NFIC: variants seen among roughly 807,000 people sequenced by gnomAD.
NFIC encodes nuclear factor I C.
In NFIC, 12 loss-of-function variants were observed where a neutral mutation model predicts 54.4. The observed-to-expected ratio is 0.22, with a 90% CI of 0.14 to 0.36. The LOEUF (loss-of-function observed/expected upper bound fraction) is 0.36, where lower values mean the gene tolerates loss of function less well. Among genes scored for constraint, NFIC ranks in the 10% least tolerant of loss-of-function variants. The pLI, the probability that NFIC is intolerant of heterozygous loss-of-function variation, is 1.00. For synonymous variants in NFIC, 322 were observed against 319.2 expected (o/e 1.01, Z -0.09); for missense variants, 575 against 718.2 (o/e 0.80, Z 2.28).
chr19:3,450,835 G>A (rs1198449871), intron 7 of NFIC, among the ~76,000 whole-genome samples: 2 of 152,140 alleles, frequency 1.3e-5, no homozygotes, highest in African/African-American at 4.8e-5. Context: ...GCAGCCATTT[G>A]GGCCAGGGGT....
chr19:3,359,761 A>G, intron 1 of NFIC: 1 of 1,348,016 alleles, frequency 7.4e-7, no homozygotes, highest in African/African-American at 1.5e-5. Context: ...CGAAAGTTGC[A>G]AGATCTGGGG....
intron 3 of NFIC, 125 bp downstream of exon 3, chr19:3,425,302 T>A: frequency 8.8e-7 from 1 of 1,140,340 alleles, no homozygotes; most frequent in Non-Finnish European, 1.2e-6. Flanking sequence ...TCGGAGAGGT[T>A]AAGGGGCCTG....
chr19:3,359,793 C>G, intron 1 of NFIC: 2 of 1,194,920 alleles, frequency 1.7e-6, no homozygotes, highest in Non-Finnish European at 2.2e-6. Context: ...GGGGGCCGCC[C>G]GGAGGAGGGG....
upstream of NFIC, among the ~76,000 whole-genome samples, chr19:3,363,592 T>A (rs1055138837): frequency 2.0e-5 from 3 of 152,002 alleles, no homozygotes; most frequent in Admixed American, 6.6e-5. Context: ...TGTGTGTGTG[T>A]GGGTGTGTGT....
Position 3,463,579 on chromosome 19 carries a change from C to T in NFIC, c.*810C>T, listed in dbSNP as rs1229210126. 16 of 985,148 alleles carry T rather than the reference C, an allele frequency of 1.6e-5. No homozygotes were observed. In the South Asian group the frequency reaches 7.5e-4, roughly 46 times the overall value. The allele number at this position is 985,148 out of a possible 1,614,324, so 61.0% of individuals were successfully genotyped here. A position where few individuals can be genotyped will look rare whatever the true frequency, so the allele number is the denominator to read the frequency against. On this transcript the variant is annotated 3_prime_UTR_variant, in exon 11 of 11. Transcript: ENST00000443272. ...CTGGGGACTCTTTCAGCCCTCGCGCCCGCCCGTTTGGGAGGAGAAGTCTCT... is the reference window on the plus strand; with the variant it reads ...CTGGGGACTCTTTCAGCCCTCGCGCTCGCCCGTTTGGGAGGAGAAGTCTCT...
chr19:3,436,319 T>TA (rs1568182142), intron 6 of NFIC, among the ~76,000 whole-genome samples: 1 of 140,656 alleles, frequency 7.1e-6, no homozygotes, highest in South Asian at 2.2e-4. Flanking sequence ...ATTTTTTTTT[T>TA]TTTTTTTTTT....
intron 5 of NFIC, 114 bp from the exon 6 acceptor site, chr19:3,434,969 T>C: frequency 7.4e-7 from 1 of 1,357,422 alleles, no homozygotes; most frequent in South Asian, 1.5e-5. Context: ...TGTCTCGCGA[T>C]ACTACCTCCC....
chr19:3,409,989 CTTGAGCCCAGGAGT>C (rs1431637813), intron 2 of NFIC, among the ~76,000 whole-genome samples: 2 of 152,092 alleles, frequency 1.3e-5, no homozygotes, highest in Non-Finnish European at 2.9e-5. Flanking sequence ...GGGAGGATTG[CTTGAGCCCAGGAGT>C]TTGAGTCCAG....
chr19:3,463,864 C>G lies in NFIC; in HGVS notation c.*1095C>G, dbSNP rs577392411. 7.8e-5 allele frequency: 77 copies of G among 984,192 alleles called. No individual in the cohort carries two copies. Among genetic ancestry groups the G allele is most frequent in the East Asian group, 4.6e-4 (4 of 8,726 alleles). The allele number at this position is 984,192 out of a possible 1,614,324, so 61.0% of individuals were successfully genotyped here. A position where few individuals can be genotyped will look rare whatever the true frequency, so the allele number is the denominator to read the frequency against. On this transcript the variant is annotated 3_prime_UTR_variant, in exon 11 of 11. Transcript: ENST00000443272. ...GCCTGATTACCACCACCCGCCCCCC[C>G]CTTTGTCCAGCTGGGACACGGAATG...
At position 3,453,463 on chromosome 19, in the gene NFIC, G is replaced by A. The variant is rs1363937816; in HGVS notation, c.1270-300G>A. ...CGCGGAGAACCTGCTGTTAGGAGGC[G>A]GTGGCACTGTTTGGAAGGAAATCAG... is the stretch of plus-strand genomic sequence containing the variant. On this transcript the variant is annotated intron_variant, in intron 8 of 10. Transcript: ENST00000443272. The surrounding 1 kb of genome is among the most constrained non-coding windows in gnomAD (Gnocchi z 6.7). Among the ~76,000 whole-genome samples, 1 of 152,174 alleles carries A rather than the reference G, an allele frequency of 6.6e-6. No homozygotes were observed. The highest frequency in any genetic ancestry group is 2.4e-5 in the African/African-American group (1 of 41,440).
rs909963424 is a variant in NFIC at position 3,469,023 on chromosome 19, G to A, written c.*6254G>A. 5 of 137,238 alleles carry A rather than the reference G, an allele frequency of 3.6e-5. No homozygotes were observed. Among genetic ancestry groups the A allele is most frequent in the Non-Finnish European group, 7.6e-5 (5 of 65,966 alleles). The allele number at this position is 137,238 out of a possible 1,614,324, so 8.5% of individuals were successfully genotyped here. Reference sequence around the variant, plus strand: ...ATATTACGCAGTCATTTTGGTTTTCGCGGACGCGCCTACCTAAGTACCATT... The same window carrying A: ...ATATTACGCAGTCATTTTGGTTTTCACGGACGCGCCTACCTAAGTACCATT... On this transcript the variant is annotated 3_prime_UTR_variant, in exon 11 of 11. Coordinates refer to ENST00000443272, the MANE Select transcript of NFIC (RefSeq NM_001245002.2).
chr19:3,359,948 C>T (rs866453753), intron 1 of NFIC, among the ~76,000 whole-genome samples: 2 of 149,802 alleles, frequency 1.3e-5, no homozygotes, highest in South Asian at 2.1e-4. Context: ...CGCGAGTTGG[C>T]GAGGAGGGCG....
chr19:3,386,407 C>G (rs1447139698), intron 2 of NFIC, among the ~76,000 whole-genome samples: 2 of 141,974 alleles, frequency 1.4e-5, no homozygotes, highest in African/African-American at 5.1e-5. Flanking sequence ...ACTGCAACCT[C>G]TACTTCCTGG....
intron 6 of NFIC, 38 bp downstream of exon 6, chr19:3,435,245 C>T (rs917131203): frequency 5.9e-6 from 9 of 1,530,266 alleles, no homozygotes; most frequent in Non-Finnish European, 8.0e-6. Flanking sequence ...GCCTTCCGGT[C>T]TGAGTCACCG....
rs1180533631 is a variant in NFIC at position 3,458,498 on chromosome 19, A to C, written c.1509+1863A>C. 6.6e-6 allele frequency among the ~76,000 whole-genome samples: 1 copy of C among 151,806 alleles called. No individual in the cohort carries two copies. Among genetic ancestry groups the C allele is most frequent in the Non-Finnish European group, 1.5e-5 (1 of 67,960 alleles). On this transcript the variant is annotated intron_variant, in intron 10 of 10. Coordinates refer to ENST00000443272, the MANE Select transcript of NFIC (RefSeq NM_001245002.2). This position sits in a 1 kb window ranked among gnomAD's most constrained non-coding sequence, Gnocchi z 4.1. ...CTCAGACTGTGCTGGCTCCAGCCCC[A>C]CCCCACCCAAGCCTGGGAGGGAAGG...
At chr19:3,417,105 T>C (rs563127075) in intron 2 of NFIC, among the ~76,000 whole-genome samples, 19 of 150,568 alleles carry the variant, frequency 1.3e-4, no homozygotes, top group African/African-American at 4.6e-4. Flanking sequence ...CAGGATGGTC[T>C]CGATCTCCTG....
Position 3,464,516 on chromosome 19 carries a change from C to T in NFIC, c.*1747C>T. 3.1e-6 allele frequency: 3 copies of T among 978,688 alleles called. No homozygotes were observed. The highest frequency in any genetic ancestry group is 3.6e-6 in the Non-Finnish European group (3 of 825,888). 60.6% of individuals were successfully genotyped at this position (978,688 alleles called of 1,614,324 possible). A position where few individuals can be genotyped will look rare whatever the true frequency, so the allele number is the denominator to read the frequency against. ...GGGCCACCGAGCTCAAACACAAGGA[C>T]CCCTCCCCGGCCCACCCAGCCCAGC... is the stretch of plus-strand genomic sequence containing the variant. On this transcript the variant is annotated 3_prime_UTR_variant, in exon 11 of 11. Transcript: ENST00000443272.
intron 1 of NFIC, among the ~76,000 whole-genome samples, chr19:3,380,336 A>T (rs1474901047): frequency 2.7e-3 from 49 of 18,312 alleles, no homozygotes; most frequent in African/African-American, 7.5e-3. Flanking sequence ...TTTTTTTTTG[A>T]GACAGTGTTT....
At chr19:3,435,400 T>A (rs1269132139) in intron 6 of NFIC, among the ~76,000 whole-genome samples, 193 bp downstream of exon 6, 5 of 152,216 alleles carry the variant, frequency 3.3e-5, no homozygotes, top group Non-Finnish European at 5.9e-5. Context: ...TTCTCGGATC[T>A]CTTTGGTTCC....
Sources: allele counts gnomAD v4.1 joint callset (sites outside exome capture counted in the v4.1 genomes callset), GRCh38; gene constraint gnomAD v4.1.1; non-coding constraint Gnocchi (gnomAD v3.1); transcripts MANE v1.5; gene names NCBI Gene and HGNC (gene_info 2026-07-23, HGNC 2026-07-21).